CEACAM21: variants seen among roughly 807,000 people sequenced by gnomAD.
CEACAM21 encodes cell adhesion molecule CEACAM21.
Under a neutral mutation model 33.2 loss-of-function variants are expected in CEACAM21, and 38 were observed. The observed-to-expected ratio is 1.14, with a 90% CI of 0.88 to 1.50. CEACAM21 has a LOEUF of 1.50. Among genes scored for constraint, CEACAM21 ranks in the 40% most tolerant of loss-of-function variants. The probability of loss-of-function intolerance (pLI) is 0.00; values close to 1 mark genes in which losing one functional copy is unlikely to be tolerated. For synonymous variants in CEACAM21, 156 were observed against 143.0 expected (o/e 1.09, Z -0.65); for missense variants, 385 against 364.6 (o/e 1.06, Z -0.46).
At chr19:41,573,217 G>T (rs73933673), upstream of CEACAM21, among the ~76,000 whole-genome samples, 910 of 152,350 alleles carry the variant, frequency 6.0e-3, 10 homozygotes, top group African/African-American at 0.02. Flanking sequence ...AGCCGTCCCT[G>T]TCTAACCCCT....
At chr19:41,567,058 C>G (rs2042313820) in intron 2 of CEACAM21, among the ~76,000 whole-genome samples, 1 of 152,072 alleles carries the variant, frequency 6.6e-6, no homozygotes, top group African/African-American at 2.4e-5. Context: ...CTCTCTCTCT[C>G]TCTCTCATAA....
At chr19:41,553,403 C>T (rs1191067984) in intron 1 of CEACAM21, among the ~76,000 whole-genome samples, 2 of 152,032 alleles carry the variant, frequency 1.3e-5, no homozygotes, top group Non-Finnish European at 2.9e-5. Flanking sequence ...TGCACCCGAC[C>T]CCAGTTTCCC....
rs1302068380 is a variant in CEACAM21 at position 41,584,383 on chromosome 19, T to G, written c.737T>G (p.Leu246Arg). Residue 246 changes from leucine (L) to arginine (R), a missense_variant, in exon 4 of 7, where the codon CTG becomes CGG. By Grantham distance (102) the Leu-to-Arg change is moderately radical. Coordinates refer to ENST00000401445, the MANE Select transcript of CEACAM21 (RefSeq NM_001098506.4). ...DNTLGILIGV[L>R]VGSLLVAALV... The stretch of plus-strand genomic sequence containing the variant: ...ACTCTAGGCATCCTGATCGGGGTCC[T>G]GGTTGGGAGTCTTCTGGTGGCTGCA... 6.2e-7 allele frequency: 1 copy of G among 1,611,778 alleles called. No individual in the cohort carries two copies. The highest frequency in any genetic ancestry group is 8.5e-7 in the Non-Finnish European group (1 of 1,178,924).
chr19:41,551,786 T>G (rs139997809), intron 1 of CEACAM21: 1 of 152,280 alleles, frequency 6.6e-6, no homozygotes, highest in East Asian at 1.9e-4. Context: ...GAAAATGGCC[T>G]CCTTGAAGAC....
intron 4 of CEACAM21, 48 bp from the exon 5 acceptor site, chr19:41,585,395 T>G: frequency 6.2e-7 from 1 of 1,602,310 alleles, no homozygotes; most frequent in Non-Finnish European, 8.6e-7. Context: ...AACTCCAATT[T>G]GTGACTTTTA....
At chr19:41,574,534 GAATA>G (rs1555790374), upstream of CEACAM21, among the ~76,000 whole-genome samples, 2 of 151,904 alleles carry the variant, frequency 1.3e-5, no homozygotes, top group Non-Finnish European at 2.9e-5. Context: ...CAAATGATTT[GAATA>G]AATAGTTCTC....
chr19:41,555,455 C>T (rs2122161511), intron 1 of CEACAM21: 1 of 152,048 alleles, frequency 6.6e-6, no homozygotes, highest in Middle Eastern at 3.4e-3. Flanking sequence ...TTTTAACAAA[C>T]TGTCTTCCTT....
chr19:41,552,971 A>G lies in CEACAM21; in HGVS notation c.-779+3419A>G, dbSNP rs151212540. On this transcript the variant is annotated intron_variant, in intron 1 of 7. Coordinates refer to the CEACAM21 transcript ENST00000407170. ...GGAAAGAAAAAGGAAACAAATGAAA[A>G]GATTATTTAGGAGACTTGTAGCCAG... 3.1e-4 allele frequency among the ~76,000 whole-genome samples: 46 copies of G among 149,388 alleles called. 1 individual carries two copies. The highest frequency in any genetic ancestry group is 5.9e-4 in the Non-Finnish European group (39 of 65,772).
chr19:41,585,645 G>T, intron 5 of CEACAM21, 150 bp downstream of exon 5: 1 of 1,063,082 alleles, frequency 9.4e-7, no homozygotes, highest in South Asian at 1.4e-5. Flanking sequence ...ACCCCAACTG[G>T]CCGGGTCAGC....
chr19:41,553,121 C>T (rs1303540103), intron 1 of CEACAM21, among the ~76,000 whole-genome samples: 1 of 151,918 alleles, frequency 6.6e-6, no homozygotes, highest in East Asian at 1.9e-4. Context: ...CTCCAGTTAC[C>T]CTTTTTTGTT....
upstream of CEACAM21, among the ~76,000 whole-genome samples, chr19:41,571,393 C>A (rs1027651076): frequency 1.3e-4 from 20 of 152,146 alleles, no homozygotes; most frequent in African/African-American, 4.6e-4. Flanking sequence ...ATGACATGGG[C>A]TTTCCAAGGA....
chr19:41,557,854 G>T (rs1023466228), intron 1 of CEACAM21, among the ~76,000 whole-genome samples: 2 of 152,142 alleles, frequency 1.3e-5, no homozygotes, highest in East Asian at 1.9e-4. Flanking sequence ...CCCTCTACTT[G>T]GTGTGTAAGG....
intron 2 of CEACAM21, among the ~76,000 whole-genome samples, chr19:41,579,070 C>T (rs1262430270): frequency 6.6e-6 from 1 of 152,142 alleles, no homozygotes; most frequent in Non-Finnish European, 1.5e-5. Context: ...AAAGCCACCC[C>T]AGGTATTGCA....
intron 3 of CEACAM21, among the ~76,000 whole-genome samples, chr19:41,583,260 C>G (rs782262283): frequency 2.6e-5 from 4 of 152,180 alleles, no homozygotes; most frequent in Non-Finnish European, 4.4e-5. Context: ...TTCCTCATCT[C>G]TGTCTGAGAC....
intron 3 of CEACAM21, among the ~76,000 whole-genome samples, chr19:41,581,379 C>T (rs1390719298): frequency 2.0e-5 from 3 of 152,204 alleles, no homozygotes; most frequent in Non-Finnish European, 4.4e-5. Context: ...ATGCTAATGA[C>T]TGGTTTGCTG....
At chr19:41,550,013 C>T (rs2041123044) in intron 1 of CEACAM21, 2 of 152,146 alleles carry the variant, frequency 1.3e-5, no homozygotes, top group Admixed American at 1.3e-4. Flanking sequence ...AATTTCCTCC[C>T]ACAGCAATTA....
chr19:41,582,880 A>T (rs908319722), intron 3 of CEACAM21, among the ~76,000 whole-genome samples: 21 of 152,146 alleles, frequency 1.4e-4, no homozygotes, highest in Non-Finnish European at 2.8e-4. Context: ...TGTCTTGGGG[A>T]TTAACATTTT....
intron 1 of CEACAM21, among the ~76,000 whole-genome samples, chr19:41,554,393 G>C (rs1555785081): frequency 6.6e-6 from 1 of 151,956 alleles, no homozygotes; most frequent in East Asian, 1.9e-4. Flanking sequence ...AAGGAAATCT[G>C]TTACCTCTGT....
intron 1 of CEACAM21, among the ~76,000 whole-genome samples, chr19:41,557,151 G>T (rs2122165800): frequency 6.6e-6 from 1 of 152,224 alleles, no homozygotes. Flanking sequence ...CCTGAAAGAG[G>T]CAATCCCAAA....
Sources: allele counts gnomAD v4.1 joint callset (sites outside exome capture counted in the v4.1 genomes callset), GRCh38; gene constraint gnomAD v4.1.1; transcripts MANE v1.5; gene names NCBI Gene and HGNC (gene_info 2026-07-23, HGNC 2026-07-21).